Variants in TRAPPC9 observed in about 807,000 individuals in gnomAD.
TRAPPC9 encodes trafficking protein particle complex subunit 9.
Under a neutral mutation model 124.0 loss-of-function variants are expected in TRAPPC9, and 83 were observed. That is an observed-to-expected ratio of 0.67 (90% CI 0.56 to 0.80). TRAPPC9 has a LOEUF of 0.80. TRAPPC9 is among the 30% of genes least tolerant of loss of function. TRAPPC9 has a pLI of 0.00. For missense variants in TRAPPC9, 1,302 were observed against 1,508.3 expected (o/e 0.86, Z 2.27); for synonymous variants, 638 against 617.5 (o/e 1.03, Z -0.49).
intron 1 of TRAPPC9, among the ~76,000 whole-genome samples, chr8:140,456,366 CG>C (rs1180039420): frequency 6.7e-6 from 1 of 150,062 alleles, no homozygotes; most frequent in Admixed American, 6.7e-5. Context: ...GAGCCAAGAT[CG>C]TGCCATTGCA....
intron 21 of TRAPPC9, among the ~76,000 whole-genome samples, chr8:139,785,976 G>C (rs1452055230): frequency 6.6e-6 from 1 of 152,114 alleles, no homozygotes; most frequent in African/African-American, 2.4e-5. Flanking sequence ...CGGAGGCTGA[G>C]GCAGCGGATC....
intron 17 of TRAPPC9, among the ~76,000 whole-genome samples, chr8:140,151,150 C>A (rs2061537922): frequency 6.6e-6 from 1 of 152,182 alleles, no homozygotes; most frequent in African/African-American, 2.4e-5. Context: ...GACACCCCTA[C>A]TTCTCCTCAA....
chr8:139,739,379 T>C (rs1818410049), intron 21 of TRAPPC9, among the ~76,000 whole-genome samples: 1 of 152,238 alleles, frequency 6.6e-6, no homozygotes, highest in Non-Finnish European at 1.5e-5. Context: ...GTCACTTCCA[T>C]GCTCCTCGCC....
At chr8:139,915,721 G>C (rs1352464501) in intron 19 of TRAPPC9, among the ~76,000 whole-genome samples, 1 of 152,228 alleles carries the variant, frequency 6.6e-6, no homozygotes, top group African/African-American at 2.4e-5. Context: ...TGAATGGGCA[G>C]AGGGGACAAG....
intron 17 of TRAPPC9, among the ~76,000 whole-genome samples, chr8:140,032,881 C>T (rs1258589045): frequency 6.6e-6 from 1 of 152,140 alleles, no homozygotes; most frequent in Non-Finnish European, 1.5e-5. Context: ...TTTCTCAAAG[C>T]CTTGAAAACA....
chr8:140,003,458 T>C (rs1392712992), intron 18 of TRAPPC9, among the ~76,000 whole-genome samples: 2 of 151,840 alleles, frequency 1.3e-5, no homozygotes, highest in Admixed American at 1.3e-4. Context: ...AAAAATTAAC[T>C]GCATGTGGTG....
At chr8:139,936,514 C>T (rs1833528074) in intron 19 of TRAPPC9, among the ~76,000 whole-genome samples, 1 of 152,214 alleles carries the variant, frequency 6.6e-6, no homozygotes, top group African/African-American at 2.4e-5. Flanking sequence ...AGTCACTCGG[C>T]TTAGAGCCTT....
intron 17 of TRAPPC9, among the ~76,000 whole-genome samples, chr8:140,130,963 G>A (rs933567353): frequency 6.6e-6 from 1 of 152,124 alleles, no homozygotes; most frequent in Non-Finnish European, 1.5e-5. Flanking sequence ...TGAGGTAACT[G>A]TCATTAATTC....
chr8:139,988,288 T>C (rs1837385591), intron 19 of TRAPPC9, among the ~76,000 whole-genome samples: 1 of 151,868 alleles, frequency 6.6e-6, no homozygotes, highest in Admixed American at 6.6e-5. Context: ...AGTTTTTGTA[T>C]TTTTAGTAGA....
At chr8:140,309,543 C>T (rs1176357206) in intron 10 of TRAPPC9, among the ~76,000 whole-genome samples, 1 of 152,244 alleles carries the variant, frequency 6.6e-6, no homozygotes, top group Non-Finnish European at 1.5e-5. Context: ...CTACACACAG[C>T]ACCAAACACC....
intron 3 of TRAPPC9, among the ~76,000 whole-genome samples, chr8:140,437,107 G>A (rs1178379986): frequency 2.6e-5 from 4 of 151,834 alleles, no homozygotes; most frequent in African/African-American, 7.3e-5. Flanking sequence ...GGGACTACAG[G>A]CACAGACCAC....
At chr8:140,170,420 T>A (rs2061944799) in intron 17 of TRAPPC9, among the ~76,000 whole-genome samples, 1 of 152,228 alleles carries the variant, frequency 6.6e-6, no homozygotes, top group South Asian at 2.1e-4. Flanking sequence ...GGAAGCCAGG[T>A]GTGTCTGATC....
At chr8:139,978,907 T>C (rs1298517571) in intron 19 of TRAPPC9, among the ~76,000 whole-genome samples, 1 of 152,068 alleles carries the variant, frequency 6.6e-6, no homozygotes, top group East Asian at 1.9e-4. Context: ...ACTCTGGTTT[T>C]TTTTCCACAG....
intron 18 of TRAPPC9, among the ~76,000 whole-genome samples, chr8:139,990,967 C>T (rs979662624): frequency 2.9e-4 from 44 of 152,160 alleles, no homozygotes; most frequent in African/African-American, 1.1e-3. Context: ...TCAGTTGAGT[C>T]TGGGTTTTCT....
At chr8:140,256,470 C>T (rs771844073) in intron 15 of TRAPPC9, among the ~76,000 whole-genome samples, 3 of 152,164 alleles carry the variant, frequency 2.0e-5, no homozygotes, top group African/African-American at 7.2e-5. Flanking sequence ...TTCCTTCCCA[C>T]CTGCTCTCTC....
chr8:139,890,270 G>A (rs961958845), intron 20 of TRAPPC9, among the ~76,000 whole-genome samples: 14 of 152,234 alleles, frequency 9.2e-5, no homozygotes, highest in Admixed American at 6.5e-4. Context: ...CAGGCCCTAC[G>A]GGCATCTGGC....
At chr8:139,783,039 A>G (rs1363880126) in intron 21 of TRAPPC9, among the ~76,000 whole-genome samples, 1 of 152,226 alleles carries the variant, frequency 6.6e-6, no homozygotes. Flanking sequence ...GCGAGCCATC[A>G]CTAAAGCAAT....
At chr8:139,971,287 A>G (rs1836048461) in intron 19 of TRAPPC9, among the ~76,000 whole-genome samples, 1 of 152,084 alleles carries the variant, frequency 6.6e-6, no homozygotes, top group Non-Finnish European at 1.5e-5. Flanking sequence ...ACCCTGGACT[A>G]TCGTCTCTGC....
intron 17 of TRAPPC9, among the ~76,000 whole-genome samples, chr8:140,030,318 A>G (rs1281880850): frequency 6.6e-6 from 1 of 152,216 alleles, no homozygotes; most frequent in Non-Finnish European, 1.5e-5. Context: ...ACATGTTGGA[A>G]AGGAAGAGGT....
Sources: allele counts gnomAD v4.1 joint callset (sites outside exome capture counted in the v4.1 genomes callset), GRCh38; gene constraint gnomAD v4.1.1; transcripts MANE v1.5; gene names NCBI Gene and HGNC (gene_info 2026-07-23, HGNC 2026-07-21).